SERPINA12: variants seen among roughly 807,000 people sequenced by gnomAD.
SERPINA12 encodes serpin A12.
In SERPINA12, 21 loss-of-function variants were observed where a neutral mutation model predicts 25.9. That is an observed-to-expected ratio of 0.81 (90% confidence interval 0.58 to 1.17). The LOEUF (loss-of-function observed/expected upper bound fraction) is 1.17. Ranked by LOEUF, SERPINA12 falls within the 50% of genes most tolerant of loss-of-function variation. The pLI, the probability that SERPINA12 is intolerant of heterozygous loss-of-function variation, is 0.00. For synonymous variants in SERPINA12, 220 were observed against 196.0 expected (o/e 1.12, Z -1.02); for missense variants, 562 against 508.3 (o/e 1.11, Z -1.02).
rs1900703116 is a variant in SERPINA12, at chr14:94,501,151, G to A, written c.-33-2721C>T. On this transcript the variant is annotated intron_variant, in intron 1 of 4. Coordinates refer to ENST00000677451, the MANE Select transcript of SERPINA12 (RefSeq NM_001382267.1). The stretch of plus-strand genomic sequence containing the variant: ...GATAAACAAAAGAAAATAGGAAGGA[G>A]TCCATTTCAGGGTTTAGGGGGCTGC... The A allele has an allele frequency of 8.1e-6, 8 of 985,240 alleles. No individual in the cohort carries two copies. The Admixed American group carries it at 4.3e-4, about 53-fold the overall frequency. 61.0% of individuals were successfully genotyped at this position (985,240 alleles called of 1,614,324 possible). A position where few individuals can be genotyped will look rare whatever the true frequency, so the allele number is the denominator to read the frequency against.
At chr14:94,507,511 GACA>G (rs1167898690) in intron 1 of SERPINA12, among the ~76,000 whole-genome samples, 2 of 152,224 alleles carry the variant, frequency 1.3e-5, no homozygotes, top group Admixed American at 1.3e-4. Flanking sequence ...ACTGAAAAAA[GACA>G]ACAACTTAAA....
upstream of SERPINA12, among the ~76,000 whole-genome samples, chr14:94,514,238 C>T (rs116031694): frequency 4.1e-3 from 625 of 152,348 alleles, 5 homozygotes; most frequent in African/African-American, 0.014. Flanking sequence ...TGTGATGGCA[C>T]TGATGACAGA....
intron 2 of SERPINA12, among the ~76,000 whole-genome samples, chr14:94,515,022 C>T (rs572206559): frequency 2.6e-5 from 4 of 152,306 alleles, no homozygotes; most frequent in East Asian, 1.9e-4. Context: ...AAGCCACCAG[C>T]CACACACCTG....
chr14:94,488,611 A>G (rs1319665700), intron 4 of SERPINA12, among the ~76,000 whole-genome samples: 1 of 152,182 alleles, frequency 6.6e-6, no homozygotes, highest in African/African-American at 2.4e-5. Flanking sequence ...CACTAAAAAT[A>G]TTATTCATCA....
exon 1 of SERPINA12, chr14:94,517,620 C>A (rs1413604500): frequency 6.6e-6 from 1 of 152,188 alleles, no homozygotes; most frequent in African/African-American, 2.4e-5. Flanking sequence ...GTACTGGAAG[C>A]TTTTGCTCTT....
At chr14:94,492,350 A>C (rs2139846962) in intron 3 of SERPINA12, among the ~76,000 whole-genome samples, 1 of 152,306 alleles carries the variant, frequency 6.6e-6, no homozygotes, top group South Asian at 2.1e-4. Flanking sequence ...GGGGGAAAGC[A>C]GAGGTCAAGA....
chr14:94,500,634 G>C (rs916114986), intron 1 of SERPINA12, among the ~76,000 whole-genome samples: 2 of 152,142 alleles, frequency 1.3e-5, no homozygotes, highest in Admixed American at 6.5e-5. Context: ...TCTTTCCTGG[G>C]ATGTCCTGGG....
chr14:94,501,160 A>G (rs1900703301), intron 1 of SERPINA12: 1 of 985,300 alleles, frequency 1.0e-6, no homozygotes, highest in South Asian at 4.7e-5. Flanking sequence ...AGTCCATTTC[A>G]GGGTTTAGGG....
chr14:94,514,009 A>G (rs568756052), upstream of SERPINA12, among the ~76,000 whole-genome samples: 106 of 152,214 alleles, frequency 7.0e-4, 1 homozygote, highest in Non-Finnish European at 1.1e-3. Flanking sequence ...CTAGACTCCC[A>G]AGGCCACCCC....
intron 1 of SERPINA12, among the ~76,000 whole-genome samples, chr14:94,506,026 G>T (rs577111720): frequency 2.0e-5 from 3 of 152,298 alleles, no homozygotes; most frequent in African/African-American, 7.2e-5. Context: ...GCCCATTAAG[G>T]GACCTCAGCC....
Position 94,498,389 on chromosome 14 carries a change from G to A in SERPINA12, c.9C>T (p.Pro3=), listed in dbSNP as rs1388128036. MN[P]TLGLAIFLAV... is the part of the protein sequence containing the mutation. The stretch of plus-strand genomic sequence containing the variant: ...CCAGAAAAATGGCCAGGCCTAGTGT[G>A]GGGTTCATTTTCCTTGAAGAATATC... Residue 3 remains proline, a synonymous_variant, in exon 2 of 5, where the codon CCC becomes CCT. Coordinates refer to ENST00000677451, the MANE Select transcript of SERPINA12 (RefSeq NM_001382267.1). 3.7e-6 allele frequency: 6 copies of A among 1,612,830 alleles called. No individual in the cohort carries two copies. The highest frequency in any genetic ancestry group is 1.1e-5 in the South Asian group (1 of 90,960).
chr14:94,496,544 C>T lies in SERPINA12; in HGVS notation c.734G>A (p.Gly245Asp). The T allele has an allele frequency of 3.7e-6, 6 of 1,613,950 alleles. No individual in the cohort carries two copies. Among genetic ancestry groups the T allele is most frequent in the South Asian group, 1.1e-5 (1 of 91,024 alleles). The change falls in exon 3 of 5, where the codon GGC (glycine) becomes GAC (aspartate). Residue 245 changes from glycine to aspartate, a missense_variant. Transcript: ENST00000677451. The part of the protein sequence containing the change: ...SVKVPMMFRS[G>D]IYQVGYDDKL... ...ATCGTCATAGCCAACTTGGTATATG[C>T]CACTACGGAACATCATGGGCACCTT... is the stretch of plus-strand genomic sequence containing the variant.
chr14:94,487,331 C>T lies in SERPINA12; in HGVS notation c.1217G>A (p.Gly406Glu). 6.2e-7 allele frequency: 1 copy of T among 1,613,904 alleles called. No individual in the cohort carries two copies. Among genetic ancestry groups the T allele is most frequent in the South Asian group, 1.1e-5 (1 of 91,034 alleles). The stretch of plus-strand genomic sequence containing the variant: ...TTTTCCAATAGGGTTAACAATCTTT[C>T]CCAGGAAGAGCACGGAAGGTATTTT... Reference protein sequence around the residue: ...SEKIPSVLFLGKIVNPIGK With the variant: ...SEKIPSVLFLEKIVNPIGK The change falls in exon 5 of 5, where the codon GGA (glycine) becomes GAA (glutamate). Residue 406 changes from glycine (G) to glutamate (E), a missense_variant. Gly to Glu is a moderately conservative substitution (Grantham distance 98). Coordinates refer to ENST00000677451, the MANE Select transcript of SERPINA12 (RefSeq NM_001382267.1).
chr14:94,488,780 A>G (rs1200493343), intron 4 of SERPINA12, among the ~76,000 whole-genome samples: 1 of 152,176 alleles, frequency 6.6e-6, no homozygotes, highest in African/African-American at 2.4e-5. Context: ...CCTATGCAGC[A>G]TATGCTTATG....
At chr14:94,502,775 A>G (rs115863240) in intron 1 of SERPINA12, among the ~76,000 whole-genome samples, 3,579 of 152,358 alleles carry the variant, frequency 0.023, 56 homozygotes, top group African/African-American at 0.046. Context: ...TGTCTTGAGA[A>G]CCAACAGAGC....
intron 1 of SERPINA12, chr14:94,504,345 G>A (rs1345996609): frequency 2.0e-5 from 3 of 152,184 alleles, no homozygotes; most frequent in Non-Finnish European, 4.4e-5. Flanking sequence ...ACACCCACTG[G>A]GCTGTGGCTT....
chr14:94,489,969 C>T (rs949033367), intron 3 of SERPINA12, among the ~76,000 whole-genome samples: 3 of 152,174 alleles, frequency 2.0e-5, no homozygotes, highest in Non-Finnish European at 4.4e-5. Flanking sequence ...GTGTCCCTGC[C>T]TCCCAGCACA....
chr14:94,497,543 A>C (rs1268851039), intron 2 of SERPINA12, among the ~76,000 whole-genome samples: 3 of 152,248 alleles, frequency 2.0e-5, no homozygotes, highest in Non-Finnish European at 4.4e-5. Context: ...AAAATGATAG[A>C]CTTCATAAAG....
rs1347949729 is a variant in SERPINA12, at chr14:94,498,133, C to T, written c.265G>A (p.Gly89Ser). The T allele has an allele frequency of 6.2e-7, 1 of 1,613,938 alleles. No homozygotes were observed. Among genetic ancestry groups the T allele is most frequent in the Non-Finnish European group, 8.5e-7 (1 of 1,180,036 alleles). ...TCGTCCAGGGTGCTGTCCTGGGCAC[C>T]CAGGCACAGCATGGAGAAAGCTGTA... ...ISTAFSMLCLGAQDSTLDEIK... is the reference protein window; with the variant it reads ...ISTAFSMLCLSAQDSTLDEIK... Residue 89 changes from glycine to serine, a missense_variant, in exon 2 of 5, where the codon GGT becomes AGT. Coordinates refer to ENST00000677451, the MANE Select transcript of SERPINA12 (RefSeq NM_001382267.1).
Sources: gnomAD v4.1 joint callset for allele counts (sites outside exome capture counted in the v4.1 genomes callset) on GRCh38, gnomAD v4.1.1 for gene constraint, MANE v1.5 for transcripts, NCBI Gene and HGNC (gene_info 2026-07-23, HGNC 2026-07-21) for gene names.